CAND2: variants seen among roughly 807,000 people sequenced by gnomAD.
CAND2 encodes cullin-associated NEDD8-dissociated protein 2.
CAND2 carries 62 observed loss-of-function variants against 98.9 expected under a neutral mutation model. The ratio of observed to expected loss-of-function variants is 0.63; its 90% confidence interval spans 0.51 to 0.77. The LOEUF (loss-of-function observed/expected upper bound fraction) is 0.77, where lower values mean the gene tolerates loss of function less well. CAND2 is among the 30% of genes least tolerant of loss of function. The probability of loss-of-function intolerance (pLI) is 0.00; values close to 1 mark genes in which losing one functional copy is unlikely to be tolerated. For missense variants in CAND2, 1,501 were observed against 1,655.2 expected, an observed-to-expected ratio of 0.91 and a Z score of 1.62; for synonymous variants, 770 against 731.9, an observed-to-expected ratio of 1.05 and a Z score of -0.84.
chr3:12,817,417 G>A lies in CAND2; in HGVS notation c.2485G>A (p.Asp829Asn), dbSNP rs377395230. ...AAGCACAGCCAGTCGCCTGGTCTGC[G>A]ATGCCAGGTCGCCCCACTCCAGCAC... ...AASTASRLVC[D>N]ARSPHSSTGV... is the part of the protein sequence containing the mutation. The change falls in exon 10 of 15, where the codon GAT (aspartate) becomes AAT (asparagine). Residue 829 changes from aspartate to asparagine, a missense_variant. By Grantham distance (23) the Asp-to-Asn change is conservative. Coordinates refer to ENST00000456430, the MANE Select transcript of CAND2 (RefSeq NM_001162499.2). 9.1e-5 allele frequency: 147 copies of A among 1,613,630 alleles called. No homozygotes were observed. The highest frequency in any genetic ancestry group is 1.1e-4 in the Non-Finnish European group (128 of 1,180,028).
At chr3:12,806,865 A>G (rs2061810384) in intron 2 of CAND2, among the ~76,000 whole-genome samples, 1 of 152,220 alleles carries the variant, frequency 6.6e-6, no homozygotes, top group Admixed American at 6.5e-5. Context: ...CCTCTAAGGC[A>G]GAGGTTCTCC....
At chr3:12,831,365 C>G in intron 13 of CAND2, 100 bp from the exon 14 acceptor site, 19 of 888,686 alleles carry the variant, frequency 2.1e-5, no homozygotes, top group Non-Finnish European at 2.9e-5. Flanking sequence ...TGAACTTGGG[C>G]TTCAGGTTTC....
chr3:12,833,645 T>G, intron 14 of CAND2, 110 bp from the exon 15 acceptor site: 1 of 854,118 alleles, frequency 1.2e-6, no homozygotes. Flanking sequence ...CAGCAGGGAT[T>G]TATGTTGGGG....
Position 12,831,548 on chromosome 3 carries a change from A to T in CAND2, c.3459A>T (p.Pro1153=), listed in dbSNP as rs755302834. 4.3e-6 allele frequency: 7 copies of T among 1,613,290 alleles called. No individual in the cohort carries two copies. In the East Asian group the frequency reaches 1.6e-4, roughly 36 times the overall value. Residue 1153 remains proline (P), a synonymous_variant, in exon 14 of 15, where the codon CCA becomes CCT. Coordinates refer to ENST00000456430, the MANE Select transcript of CAND2 (RefSeq NM_001162499.2). ...VLQRVDRLIE[P]LRATCTAKVK... ...AGAGGGTGGACCGACTCATTGAGCC[A>T]CTAAGGGCCACCTGCACTGCCAAGG...
rs562221980 is a variant in CAND2 at position 12,811,421 on chromosome 3, T to C, written c.757+1097T>C. On this transcript the variant is annotated intron_variant, in intron 5 of 14. Transcript: ENST00000456430. ...AGCCTGGAGACCAGGCAGGAACCCCTCTTGCCTGGTCTATTAGGGCAGTAC... is the reference window on the plus strand; with the variant it reads ...AGCCTGGAGACCAGGCAGGAACCCCCCTTGCCTGGTCTATTAGGGCAGTAC... 2.8e-4 allele frequency among the ~76,000 whole-genome samples: 43 copies of C among 152,270 alleles called. No individual in the cohort carries two copies. In the South Asian group the frequency reaches 5.6e-3, roughly 20 times the overall value.
In CAND2 at chr3:12,815,058, C is replaced by A; in HGVS notation, c.1007-83C>A. ...AAAGTGAAGCACAGTGCCCAGCTCT[C>A]TCTCCTCCCTGTCCCTTCTCCCCCG... is the stretch of plus-strand genomic sequence containing the variant. On this transcript the variant is annotated intron_variant, in intron 7 of 14. Transcript: ENST00000456430. This position sits in a 1 kb window ranked among gnomAD's most constrained non-coding sequence, Gnocchi z 5.7. The A allele has an allele frequency of 7.1e-7, 1 of 1,404,522 alleles. No individual in the cohort carries two copies. Among genetic ancestry groups the A allele is most frequent in the Non-Finnish European group, 9.8e-7 (1 of 1,020,298 alleles). 87.0% of individuals were successfully genotyped at this position (1,404,522 alleles called of 1,614,324 possible).
intron 10 of CAND2, 47 bp from the exon 11 acceptor site, chr3:12,820,039 A>G (rs755562897): frequency 4.7e-6 from 7 of 1,490,582 alleles, no homozygotes; most frequent in South Asian, 1.1e-5. Context: ...GTGAGCCTCC[A>G]GGATTGGCCC....
At chr3:12,821,919 C>CT (rs1198239076) in intron 11 of CAND2, among the ~76,000 whole-genome samples, 7 of 152,210 alleles carry the variant, frequency 4.6e-5, no homozygotes, top group Non-Finnish European at 2.9e-5. Context: ...TAAAATTACT[C>CT]TTTTTTTCCT....
At chr3:12,831,716 A>G (rs2062055316) in intron 14 of CAND2, 144 bp downstream of exon 14, 4 of 601,858 alleles carry the variant, frequency 6.6e-6, no homozygotes, top group Non-Finnish European at 1.2e-5. Flanking sequence ...ATTGCCCTAT[A>G]AAGTACCTCT....
intron 13 of CAND2, among the ~76,000 whole-genome samples, chr3:12,828,699 G>A (rs1053919007): frequency 5.3e-5 from 8 of 152,168 alleles, no homozygotes; most frequent in African/African-American, 9.7e-5. Flanking sequence ...TCACATTGCG[G>A]TGCAGCCGTC....
chr3:12,821,764 G>A (rs2061958784), intron 11 of CAND2, among the ~76,000 whole-genome samples: 1 of 152,156 alleles, frequency 6.6e-6, no homozygotes, highest in African/African-American at 2.4e-5. Flanking sequence ...GCAAGGAGCT[G>A]TGAGCATCCT....
At chr3:12,796,968 A>G (rs1002431215) in intron 1 of CAND2, among the ~76,000 whole-genome samples, 180 bp downstream of exon 1, 2 of 144,048 alleles carry the variant, frequency 1.4e-5, no homozygotes, top group South Asian at 2.2e-4. Flanking sequence ...TCCCCACTGG[A>G]GCTCCGGCCG....
chr3:12,814,552 C>G lies in CAND2; in HGVS notation c.1007-589C>G, dbSNP rs191113285. Among the ~76,000 whole-genome samples the G allele has an allele frequency of 9.7e-4, 147 of 152,264 alleles. 1 individual carries two copies. Among genetic ancestry groups the G allele is most frequent in the African/African-American group, 3.3e-3 (139 of 41,540 alleles). ...AACCCAGCATTTCCTCTTTATTAATCCTGCCTGGAAGCCTTTGGAATCAGG... is the reference window on the plus strand; with the variant it reads ...AACCCAGCATTTCCTCTTTATTAATGCTGCCTGGAAGCCTTTGGAATCAGG... On this transcript the variant is annotated intron_variant, in intron 7 of 14. Coordinates refer to ENST00000456430, the MANE Select transcript of CAND2 (RefSeq NM_001162499.2).
At chr3:12,803,950 G>A (rs2061786870) in intron 2 of CAND2, among the ~76,000 whole-genome samples, 1 of 152,086 alleles carries the variant, frequency 6.6e-6, no homozygotes, top group Non-Finnish European at 1.5e-5. Context: ...GGGACCTCTG[G>A]GACACAGTAT....
At chr3:12,814,372 G>A (rs1299350051) in intron 7 of CAND2, among the ~76,000 whole-genome samples, 1 of 152,188 alleles carries the variant, frequency 6.6e-6, no homozygotes, top group African/African-American at 2.4e-5. Flanking sequence ...CAGCTCTGCT[G>A]TTCCTCGCTG....
At position 12,822,250 on chromosome 3, in the gene CAND2, T is replaced by C. The variant is rs527547444; in HGVS notation, c.3040+2069T>C. On this transcript the variant is annotated intron_variant, in intron 11 of 14. Coordinates refer to ENST00000456430, the MANE Select transcript of CAND2 (RefSeq NM_001162499.2). ...TGTTACTGTCTTTAATTTTGATGCA[T>C]TGGAAGCCCTTCAAGCTGGTTCCTA... 3.3e-5 allele frequency among the ~76,000 whole-genome samples: 5 copies of C among 152,126 alleles called. No individual in the cohort carries two copies. The South Asian group carries it at 6.2e-4, about 19-fold the overall frequency.
At chr3:12,831,906 T>A (rs1176256570) in intron 14 of CAND2, among the ~76,000 whole-genome samples, 1 of 152,190 alleles carries the variant, frequency 6.6e-6, no homozygotes, top group Non-Finnish European at 1.5e-5. Context: ...TTGAGCCTGA[T>A]AGGTTCCCTA....
At chr3:12,813,865 G>A (rs928489380) in intron 7 of CAND2, among the ~76,000 whole-genome samples, 1 of 152,212 alleles carries the variant, frequency 6.6e-6, no homozygotes, top group Admixed American at 6.5e-5. Context: ...TCTCAATGGG[G>A]GTGGACTTGA....
chr3:12,806,210 G>A (rs2061804905), intron 2 of CAND2, among the ~76,000 whole-genome samples: 1 of 152,128 alleles, frequency 6.6e-6, no homozygotes. Flanking sequence ...AATCTCATCT[G>A]TGTAGGAGGA....
Sources: allele counts gnomAD v4.1 joint callset (sites outside exome capture counted in the v4.1 genomes callset), GRCh38; gene constraint gnomAD v4.1.1; non-coding constraint Gnocchi (gnomAD v3.1); transcripts MANE v1.5; gene names NCBI Gene and HGNC (gene_info 2026-07-23, HGNC 2026-07-21).